The following NIM1K variants were observed in gnomAD, a reference collection of about 807,000 sequenced individuals.
NIM1K encodes the protein NIM1 serine/threonine protein kinase.
In NIM1K, 35 loss-of-function variants were observed where a neutral mutation model predicts 37.1. The ratio of observed to expected loss-of-function variants is 0.94; its 90% CI spans 0.72 to 1.25. NIM1K has a LOEUF of 1.25. NIM1K is among the 50% of genes most tolerant of loss of function. The pLI is 0.00. For synonymous variants in NIM1K, 234 were observed against 206.6 expected (o/e 1.13, Z -1.14); for missense variants, 564 against 548.0 (o/e 1.03, Z -0.29).
intron 1 of NIM1K, among the ~76,000 whole-genome samples, chr5:43,218,972 C>T (rs911505980): frequency 6.6e-6 from 1 of 152,096 alleles, no homozygotes; most frequent in African/African-American, 2.4e-5. Flanking sequence ...ATAATTGAAT[C>T]ATGGGGAAGG....
intron 1 of NIM1K, among the ~76,000 whole-genome samples, chr5:43,234,735 AACG>A (rs1198474809): frequency 1.3e-5 from 2 of 152,168 alleles, no homozygotes; most frequent in Middle Eastern, 3.2e-3. Context: ...CCTGGGTTCA[AACG>A]ATTCTCCTGC....
At position 43,224,779 on chromosome 5, in the gene NIM1K, C is replaced by T. The variant is rs933009109; in HGVS notation, c.-694-20303C>T. Among the ~76,000 whole-genome samples, 6 of 150,908 alleles carry T rather than the reference C, an allele frequency of 4.0e-5. No individual in the cohort carries two copies. In the Admixed American group the frequency reaches 4.0e-4, roughly 10 times the overall value. Reference sequence around the variant, plus strand: ...TGGCGCGATCTCGGCTCACTGCAACCTCTGCCTCCTGCCTTCAAGCAATTC... The same window carrying T: ...TGGCGCGATCTCGGCTCACTGCAACTTCTGCCTCCTGCCTTCAAGCAATTC... On this transcript the variant is annotated intron_variant, in intron 1 of 3. Transcript: ENST00000326035.
At chr5:43,236,240 T>C (rs1239777239) in intron 1 of NIM1K, among the ~76,000 whole-genome samples, 1 of 151,972 alleles carries the variant, frequency 6.6e-6, no homozygotes, top group Non-Finnish European at 1.5e-5. Flanking sequence ...GCACTCCAGC[T>C]TGGGTGAGAG....
In NIM1K at chr5:43,280,600, C is replaced by T. The variant is rs780599425; in HGVS notation, c.1182C>T (p.Val394=). 5 of 1,614,046 alleles carry T rather than the reference C, an allele frequency of 3.1e-6. No individual in the cohort carries two copies. The highest frequency in any genetic ancestry group is 1.1e-5 in the South Asian group (1 of 91,082). ...TGVYRIILHR[V]QRKKALESVP... The stretch of plus-strand genomic sequence containing the variant: ...TCTATAGAATTATTTTACATAGAGT[C>T]CAAAGGAAGAAGGCTTTGGAAAGTG... The change falls in exon 4 of 4, where the codon GTC becomes GTT. Residue 394 remains valine, a synonymous_variant. Coordinates refer to ENST00000326035, the MANE Select transcript of NIM1K (RefSeq NM_153361.4).
intron 1 of NIM1K, among the ~76,000 whole-genome samples, chr5:43,227,086 C>A (rs531332126): frequency 1.3e-5 from 2 of 152,144 alleles, no homozygotes; most frequent in African/African-American, 4.8e-5. Flanking sequence ...GTTCACCGGG[C>A]GCAGTGGCTC....
At chr5:43,270,584 G>A (rs1031868347) in intron 2 of NIM1K, among the ~76,000 whole-genome samples, 1 of 152,178 alleles carries the variant, frequency 6.6e-6, no homozygotes, top group African/African-American at 2.4e-5. Flanking sequence ...CCATGAAAGA[G>A]TTATACAAAA....
intron 1 of NIM1K, among the ~76,000 whole-genome samples, chr5:43,217,708 ATTTTTTTT>A (rs71608698): frequency 3.6e-4 from 34 of 93,622 alleles, no homozygotes; most frequent in Middle Eastern, 6.8e-3. Flanking sequence ...TCCTCTGTCT[ATTTTTTTT>A]TTTTTTTTTT....
chr5:43,257,206 AG>A (rs1483446943), intron 2 of NIM1K, among the ~76,000 whole-genome samples: 3 of 152,102 alleles, frequency 2.0e-5, no homozygotes, highest in Non-Finnish European at 2.9e-5. Context: ...CAAGTGAAAA[AG>A]GTATTTTTAA....
chr5:43,270,803 G>C (rs895816714), intron 2 of NIM1K, among the ~76,000 whole-genome samples: 2 of 152,172 alleles, frequency 1.3e-5, no homozygotes, highest in South Asian at 2.1e-4. Flanking sequence ...GGGGAACTTA[G>C]GGAGTGCCCG....
rs1026776498 is a variant in NIM1K at position 43,276,222 on chromosome 5, T to C, written c.293-835T>C. 7.9e-5 allele frequency among the ~76,000 whole-genome samples: 12 copies of C among 152,116 alleles called. No individual in the cohort carries two copies. In the East Asian group the frequency reaches 2.3e-3, roughly 29 times the overall value. ...TTGAGTAATTTATAAGAAAAAAAGG[T>C]TTTATTAGCTCATGATTCTGCAGGC... On this transcript the variant is annotated intron_variant, in intron 2 of 3. Coordinates refer to ENST00000326035, the MANE Select transcript of NIM1K (RefSeq NM_153361.4).
At chr5:43,262,763 C>T (rs768580878) in intron 2 of NIM1K, among the ~76,000 whole-genome samples, 1 of 151,970 alleles carries the variant, frequency 6.6e-6, no homozygotes, top group African/African-American at 2.4e-5. Flanking sequence ...ATAGCTCTTA[C>T]TATTTTGTGA....
intron 1 of NIM1K, among the ~76,000 whole-genome samples, chr5:43,196,252 T>C (rs1250918214): frequency 6.6e-6 from 1 of 152,236 alleles, no homozygotes; most frequent in Non-Finnish European, 1.5e-5. Flanking sequence ...ATAATTGCAC[T>C]GAAATTTTTC....
chr5:43,230,552 G>C (rs1377401992), intron 1 of NIM1K, among the ~76,000 whole-genome samples: 1 of 152,130 alleles, frequency 6.6e-6, no homozygotes, highest in Admixed American at 6.6e-5. Context: ...TTATAAAATA[G>C]TGGTTTTCAA....
intron 1 of NIM1K, chr5:43,240,400 C>A (rs546939846): frequency 6.6e-6 from 1 of 151,480 alleles, no homozygotes; most frequent in Admixed American, 6.6e-5. Context: ...GGTAAGTATA[C>A]GCACATTAAA....
chr5:43,214,839 G>C lies in NIM1K; in HGVS notation c.-695+22428G>C, dbSNP rs374431894. Among the ~76,000 whole-genome samples the C allele has an allele frequency of 1.6e-3, 224 of 139,114 alleles. 1 individual carries two copies. The highest frequency in any genetic ancestry group is 7.2e-3 in the Middle Eastern group (2 of 276). 91.3% of individuals were successfully genotyped at this position (139,114 alleles called of 152,430 possible). A position where few individuals can be genotyped will look rare whatever the true frequency, so the allele number is the denominator to read the frequency against. ...AAAAAAAAAAAAAAAAAACAAAAAA[G>C]AAAAAAGAAATGTGCCCATTTTGTG... On this transcript the variant is annotated intron_variant, in intron 1 of 3. Transcript: ENST00000326035.
At chr5:43,267,656 A>T (rs1250330576) in intron 2 of NIM1K, among the ~76,000 whole-genome samples, 1 of 152,142 alleles carries the variant, frequency 6.6e-6, no homozygotes, top group African/African-American at 2.4e-5. Context: ...GTGTCATATT[A>T]TCATTCATTT....
intron 1 of NIM1K, among the ~76,000 whole-genome samples, chr5:43,236,153 C>G (rs1200600438): frequency 1.3e-5 from 2 of 151,926 alleles, no homozygotes; most frequent in East Asian, 3.9e-4. Flanking sequence ...GTAGTCCCAG[C>G]TACTCAGGAG....
At chr5:43,208,550 C>T (rs761302106) in intron 1 of NIM1K, among the ~76,000 whole-genome samples, 7 of 151,228 alleles carry the variant, frequency 4.6e-5, no homozygotes, top group African/African-American at 1.5e-4. Flanking sequence ...TGCAGTGAGC[C>T]GAGATCACGC....
intron 1 of NIM1K, chr5:43,206,739 A>G (rs1289422131): frequency 5.4e-6 from 4 of 743,516 alleles, no homozygotes; most frequent in Non-Finnish European, 1.0e-5. Context: ...ACTTGACTTC[A>G]TGCTTGGCAC....
Sources: gnomAD v4.1 joint callset for allele counts (sites outside exome capture counted in the v4.1 genomes callset) on GRCh38, gnomAD v4.1.1 for gene constraint, MANE v1.5 for transcripts, NCBI Gene and HGNC (gene_info 2026-07-23, HGNC 2026-07-21) for gene names.